The following SNRK variants were observed in gnomAD, a reference collection of about 807,000 sequenced individuals.
SNRK encodes the protein SNF-related serine/threonine-protein kinase.
In SNRK, 3 loss-of-function variants were observed where a neutral mutation model predicts 48.2. That is an observed-to-expected ratio of 0.06 (90% confidence interval 0.03 to 0.16). The LOEUF (loss-of-function observed/expected upper bound fraction) is 0.16, where lower values mean the gene tolerates loss of function less well. SNRK is among the 10% of genes least tolerant of loss of function. SNRK has a pLI of 1.00. For missense variants in SNRK, 627 were observed against 976.0 expected, an observed-to-expected ratio of 0.64 and a Z score of 4.76; for synonymous variants, 376 against 366.1, an observed-to-expected ratio of 1.03 and a Z score of -0.31.
intron 4 of SNRK, among the ~76,000 whole-genome samples, chr3:43,338,683 C>T (rs941336176): frequency 1.2e-4 from 18 of 152,172 alleles, no homozygotes; most frequent in Admixed American, 2.6e-4. Flanking sequence ...TATTTCCTAA[C>T]GCAGTCTATT....
At chr3:43,340,596 A>C in intron 5 of SNRK, 97 bp downstream of exon 5, 2 of 1,046,184 alleles carry the variant, frequency 1.9e-6, no homozygotes, top group South Asian at 3.0e-5. Context: ...TGTGTAATAG[A>C]TAAGAGTTCC....
At chr3:43,318,294 G>C (rs1256283746) in intron 3 of SNRK, among the ~76,000 whole-genome samples, 1 of 152,006 alleles carries the variant, frequency 6.6e-6, no homozygotes, top group African/African-American at 2.4e-5. Context: ...TATGTTATTT[G>C]TATTTAGGGA....
At chr3:43,293,435 G>T (rs547421894) in intron 1 of SNRK, among the ~76,000 whole-genome samples, 1 of 152,112 alleles carries the variant, frequency 6.6e-6, no homozygotes, top group African/African-American at 2.4e-5. Context: ...GAATAATTAT[G>T]TACAGAAAGT....
chr3:43,336,954 G>GT (rs2091194523), intron 4 of SNRK, among the ~76,000 whole-genome samples: 1 of 152,068 alleles, frequency 6.6e-6, no homozygotes, highest in Non-Finnish European at 1.5e-5. Flanking sequence ...GGTTTTCACC[G>GT]TGTTAGCCAG....
chr3:43,290,172 T>A (rs1265212483), intron 1 of SNRK, among the ~76,000 whole-genome samples: 7 of 152,210 alleles, frequency 4.6e-5, no homozygotes, highest in South Asian at 2.1e-4. Context: ...AGAGACTACT[T>A]CTTTGATCTG....
intron 1 of SNRK, among the ~76,000 whole-genome samples, chr3:43,298,664 A>G (rs2090875504): frequency 6.6e-6 from 1 of 152,174 alleles, no homozygotes; most frequent in African/African-American, 2.4e-5. Flanking sequence ...GTATAGTGTA[A>G]ATTATCATGT....
At chr3:43,294,895 A>C (rs1248659392) in intron 1 of SNRK, among the ~76,000 whole-genome samples, 1 of 152,110 alleles carries the variant, frequency 6.6e-6, no homozygotes, top group African/African-American at 2.4e-5. Context: ...CCATAACTTA[A>C]TATTCTGTTT....
At chr3:43,300,815 TTTC>T (rs2090892709) in intron 2 of SNRK, among the ~76,000 whole-genome samples, 1 of 152,248 alleles carries the variant, frequency 6.6e-6, no homozygotes, top group African/African-American at 2.4e-5. Context: ...ATTGTATCAG[TTTC>T]TTATTTAAAA....
intron 2 of SNRK, among the ~76,000 whole-genome samples, chr3:43,301,463 A>G (rs1310072852): frequency 1.3e-5 from 2 of 152,204 alleles, no homozygotes; most frequent in African/African-American, 4.8e-5. Flanking sequence ...CTTAGCTATA[A>G]AAATGAGACC....
At chr3:43,308,321 A>G (rs2090953761) in intron 3 of SNRK, among the ~76,000 whole-genome samples, 1 of 152,236 alleles carries the variant, frequency 6.6e-6, no homozygotes, top group South Asian at 2.1e-4. Flanking sequence ...CAGATTTTTG[A>G]TGTAACTAAA....
chr3:43,302,999 A>G (rs924263096), intron 2 of SNRK, 99 bp from the exon 3 acceptor site: 3 of 448,774 alleles, frequency 6.7e-6, no homozygotes, highest in African/African-American at 2.0e-5. Context: ...ATTTTCTTCA[A>G]GTTTCTCTTA....
At chr3:43,310,086 C>G (rs1015705851) in intron 3 of SNRK, among the ~76,000 whole-genome samples, 1 of 152,116 alleles carries the variant, frequency 6.6e-6, no homozygotes, top group Non-Finnish European at 1.5e-5. Flanking sequence ...TTTCAGTGGT[C>G]TGGAACCGAA....
In SNRK at chr3:43,303,188, C is replaced by G. The variant is rs578075233; in HGVS notation, c.-16C>G. The G allele has an allele frequency of 4.4e-6, 7 of 1,576,396 alleles. No individual in the cohort carries two copies. In the East Asian group the frequency reaches 1.6e-4, roughly 35 times the overall value. On this transcript the variant is annotated 5_prime_UTR_variant, in exon 3 of 7. Transcript: ENST00000296088. The surrounding 1 kb of genome is among the most constrained non-coding windows in gnomAD (Gnocchi z 6.2). The stretch of plus-strand genomic sequence containing the variant: ...ATTTTAAACAGTCTAAATATTTTTT[C>G]TTCTGTTGGACCAGCATGGCAGGAT...
chr3:43,298,031 CAAT>C (rs927694367), intron 1 of SNRK, among the ~76,000 whole-genome samples: 3 of 152,124 alleles, frequency 2.0e-5, no homozygotes, highest in Non-Finnish European at 2.9e-5. Flanking sequence ...TCGTCTGTAA[CAAT>C]GATGGTGGTG....
Position 43,303,003 on chromosome 3 carries a change from T to C in SNRK, c.-106-95T>C. 1 of 451,716 alleles carries C rather than the reference T, an allele frequency of 2.2e-6. No homozygotes were observed. Among genetic ancestry groups the C allele is most frequent in the Non-Finnish European group, 3.9e-6 (1 of 257,576 alleles). 28.0% of individuals were successfully genotyped at this position (451,716 alleles called of 1,614,324 possible). On this transcript the variant is annotated intron_variant, in intron 2 of 6. Coordinates refer to ENST00000296088, the MANE Select transcript of SNRK (RefSeq NM_017719.5). The surrounding 1 kb of genome is among the most constrained non-coding windows in gnomAD (Gnocchi z 6.2). ...TATCTCAATTTATTTTCTTCAAGTT[T>C]CTCTTAAAATGAAAAAAACAAAAAA...
At chr3:43,330,627 A>G (rs756717949) in intron 3 of SNRK, among the ~76,000 whole-genome samples, 14 of 152,244 alleles carry the variant, frequency 9.2e-5, no homozygotes, top group Admixed American at 2.0e-4. Flanking sequence ...ACTAGTCGCC[A>G]TTATTAAGAT....
intron 1 of SNRK, among the ~76,000 whole-genome samples, chr3:43,291,113 A>G (rs999252450): frequency 1.3e-5 from 2 of 152,154 alleles, no homozygotes; most frequent in African/African-American, 2.4e-5. Context: ...CCTAGACCTA[A>G]GAAGTAGAAA....
intron 3 of SNRK, among the ~76,000 whole-genome samples, chr3:43,322,143 A>G (rs541048427): frequency 1.3e-5 from 2 of 152,366 alleles, no homozygotes; most frequent in African/African-American, 4.8e-5. Flanking sequence ...ATTCTGAGTG[A>G]TGCAGAAAAA....
chr3:43,313,586 T>A (rs1007980941), intron 3 of SNRK, among the ~76,000 whole-genome samples: 1 of 152,190 alleles, frequency 6.6e-6, no homozygotes, highest in Non-Finnish European at 1.5e-5. Context: ...TGAAGGAGCC[T>A]TGTGGTGATG....
Sources: allele counts gnomAD v4.1 joint callset (sites outside exome capture counted in the v4.1 genomes callset), GRCh38; gene constraint gnomAD v4.1.1; non-coding constraint Gnocchi (gnomAD v3.1); transcripts MANE v1.5; gene names NCBI Gene and HGNC (gene_info 2026-07-23, HGNC 2026-07-21).